The following LYPD6B variants were observed in gnomAD, a reference collection of about 807,000 sequenced individuals.
LYPD6B encodes the protein ly6/PLAUR domain-containing protein 6B.
LYPD6B carries 17 observed loss-of-function variants against 22.8 expected under a neutral mutation model. The ratio of observed to expected loss-of-function variants is 0.75; its 90% CI spans 0.51 to 1.12. LYPD6B has a LOEUF of 1.12. Ranked by LOEUF, LYPD6B falls within the 50% of genes most tolerant of loss-of-function variation. LYPD6B has a pLI of 0.00. For missense variants in LYPD6B, 221 were observed against 258.3 expected (o/e 0.86, Z 0.99); for synonymous variants, 106 against 91.6 (o/e 1.16, Z -0.90).
chr2:149,173,760 C>CT (rs1353504255), intron 3 of LYPD6B, among the ~76,000 whole-genome samples: 1 of 151,926 alleles, frequency 6.6e-6, no homozygotes, highest in Non-Finnish European at 1.5e-5. Context: ...TAATCACTTC[C>CT]TTTTTTTTCT....
chr2:149,075,086 G>A (rs996757757), intron 1 of LYPD6B, among the ~76,000 whole-genome samples: 2 of 152,188 alleles, frequency 1.3e-5, no homozygotes, highest in Admixed American at 1.3e-4. Context: ...TCAGTCATAT[G>A]GAGCTGTATT....
chr2:149,103,316 G>T (rs980745417), intron 1 of LYPD6B, among the ~76,000 whole-genome samples: 3 of 152,144 alleles, frequency 2.0e-5, no homozygotes, highest in African/African-American at 7.2e-5. Context: ...GCTGCCACAG[G>T]CTTTTGAAAC....
chr2:149,044,768 A>C (rs1683235532), intron 1 of LYPD6B, among the ~76,000 whole-genome samples: 1 of 152,068 alleles, frequency 6.6e-6, no homozygotes, highest in Admixed American at 6.5e-5. Context: ...GATGTTAAGA[A>C]ATTTCCTTTG....
At chr2:149,053,452 A>C (rs1683654266) in intron 1 of LYPD6B, among the ~76,000 whole-genome samples, 1 of 152,216 alleles carries the variant, frequency 6.6e-6, no homozygotes, top group Admixed American at 6.5e-5. Context: ...TACTGAGGTT[A>C]AATTCTTAAA....
At chr2:149,177,157 T>C (rs892284748) in intron 3 of LYPD6B, among the ~76,000 whole-genome samples, 1 of 152,156 alleles carries the variant, frequency 6.6e-6, no homozygotes, top group African/African-American at 2.4e-5. Flanking sequence ...GCAGCATCTG[T>C]GGTTAGAGAA....
At chr2:149,108,614 G>A (rs1686611450) in intron 1 of LYPD6B, among the ~76,000 whole-genome samples, 1 of 152,098 alleles carries the variant, frequency 6.6e-6, no homozygotes, top group Non-Finnish European at 1.5e-5. Context: ...CCTATAGGCA[G>A]CATATGATTG....
chr2:149,040,733 T>G (rs1368139396), intron 1 of LYPD6B, among the ~76,000 whole-genome samples: 1 of 152,214 alleles, frequency 6.6e-6, no homozygotes, highest in Non-Finnish European at 1.5e-5. Context: ...TATCTCTGTC[T>G]TTGCTCACCA....
chr2:149,088,696 G>A (rs1196792860), intron 1 of LYPD6B, among the ~76,000 whole-genome samples: 3 of 152,174 alleles, frequency 2.0e-5, no homozygotes, highest in Non-Finnish European at 2.9e-5. Context: ...AACATTCAAT[G>A]AAATTTAAAT....
intron 2 of LYPD6B, among the ~76,000 whole-genome samples, chr2:149,143,496 C>T (rs1688820899): frequency 7.5e-6 from 1 of 134,104 alleles, no homozygotes; most frequent in African/African-American, 2.9e-5. Context: ...TGTGTTCTAA[C>T]ATTGCAACAT....
chr2:149,095,760 A>AGAGGCAGGAGACAGAAAGTGG (rs1398152359), intron 1 of LYPD6B, among the ~76,000 whole-genome samples: 1 of 152,098 alleles, frequency 6.6e-6, no homozygotes, highest in African/African-American at 2.4e-5. Context: ...AGAGAGAGAA[A>AGAGGCAGGAGACAGAAAGTGG]GAGGCAGGAG....
intron 2 of LYPD6B, among the ~76,000 whole-genome samples, chr2:149,142,653 A>C (rs922413767): frequency 4.6e-5 from 7 of 151,910 alleles, no homozygotes; most frequent in Non-Finnish European, 8.8e-5. Context: ...ACTTTTTCTT[A>C]TCTCCTGTCT....
chr2:149,083,118 G>A (rs185304588), intron 1 of LYPD6B, among the ~76,000 whole-genome samples: 263 of 147,522 alleles, frequency 1.8e-3, no homozygotes, highest in Non-Finnish European at 3.0e-3. Context: ...AATGTCACAG[G>A]GGGGCATACC....
At chr2:149,070,673 T>C (rs1282474954) in intron 1 of LYPD6B, among the ~76,000 whole-genome samples, 1 of 152,160 alleles carries the variant, frequency 6.6e-6, no homozygotes, top group Admixed American at 6.5e-5. Context: ...CATTGTAAGC[T>C]AGCAATCAGC....
rs984997444 is a variant in LYPD6B, at chr2:149,214,596, C to T, written c.510C>T (p.Thr170=). Residue 170 remains threonine (T), a synonymous_variant, in exon 7 of 7, where the codon ACC becomes ACT. Transcript: ENST00000409642. ...TGATCTGCAATGTAGAATTACCCAC[C>T]AATCACACTAATGCAGTGTTTGCCG... ...EGMICNVELP[T]NHTNAVFAVM... 4 of 1,613,710 alleles carry T rather than the reference C, an allele frequency of 2.5e-6. No homozygotes were observed. Among genetic ancestry groups the T allele is most frequent in the Non-Finnish European group, 2.5e-6 (3 of 1,179,798 alleles).
At chr2:149,104,701 A>C (rs1034274429) in intron 1 of LYPD6B, among the ~76,000 whole-genome samples, 1 of 152,198 alleles carries the variant, frequency 6.6e-6, no homozygotes, top group African/African-American at 2.4e-5. Flanking sequence ...CTTTCAAAGA[A>C]GTGAATAATT....
intron 4 of LYPD6B, among the ~76,000 whole-genome samples, chr2:149,207,535 G>A (rs994858366): frequency 6.6e-6 from 1 of 151,730 alleles, no homozygotes; most frequent in Non-Finnish European, 1.5e-5. Flanking sequence ...AAAAAAAAAG[G>A]CATAAAGACA....
chr2:149,116,683 G>A (rs1687021471), intron 1 of LYPD6B, among the ~76,000 whole-genome samples: 1 of 152,144 alleles, frequency 6.6e-6, no homozygotes, highest in African/African-American at 2.4e-5. Context: ...ATAAAAGGAT[G>A]GAAGCTAAAT....
intron 3 of LYPD6B, among the ~76,000 whole-genome samples, chr2:149,189,258 C>T (rs1692321643): frequency 6.7e-6 from 1 of 148,742 alleles, no homozygotes; most frequent in African/African-American, 2.5e-5. Context: ...TTTCAAAAAG[C>T]ATAAAATAAA....
intron 3 of LYPD6B, among the ~76,000 whole-genome samples, chr2:149,186,464 G>T (rs1217070532): frequency 6.6e-6 from 1 of 152,216 alleles, no homozygotes; most frequent in Non-Finnish European, 1.5e-5. Context: ...GGTTCATGAG[G>T]ATGAAGGAAA....
Sources: allele counts gnomAD v4.1 joint callset (sites outside exome capture counted in the v4.1 genomes callset), GRCh38; gene constraint gnomAD v4.1.1; transcripts MANE v1.5; gene names NCBI Gene and HGNC (gene_info 2026-07-23, HGNC 2026-07-21).